PLD1: variants seen among roughly 807,000 people sequenced by gnomAD.
PLD1 encodes the protein phospholipase D1.
In PLD1, 112 loss-of-function variants were observed where a neutral mutation model predicts 137.1. The observed-to-expected ratio is 0.82, with a 90% confidence interval of 0.70 to 0.96. The LOEUF is 0.96. PLD1 is among the 40% of genes least tolerant of loss of function. The pLI, the probability that PLD1 is intolerant of heterozygous loss-of-function variation, is 0.00. For synonymous variants in PLD1, 431 were observed against 454.7 expected (o/e 0.95, Z 0.66); for missense variants, 1,321 against 1,342.0 (o/e 0.98, Z 0.24).
chr3:171,652,273 C>A (rs940907636), intron 21 of PLD1, among the ~76,000 whole-genome samples: 7 of 151,982 alleles, frequency 4.6e-5, no homozygotes, highest in Non-Finnish European at 7.4e-5. Flanking sequence ...AATAGCCAGG[C>A]GTGGTGGCAG....
chr3:171,673,443 A>T (rs1376741705), intron 19 of PLD1, among the ~76,000 whole-genome samples: 1 of 151,956 alleles, frequency 6.6e-6, no homozygotes, highest in Non-Finnish European at 1.5e-5. Flanking sequence ...TACCACGCCC[A>T]GCTAATTTCT....
Position 171,612,576 on chromosome 3 carries a change from G to T in PLD1, c.2729-144C>A. ...GAAGATGTGTTTTTAGGGAGGTGGG[G>T]CCCTCCCTAACCCAGGGGTGAATCT... On this transcript the variant is annotated intron_variant, in intron 24 of 26. Coordinates refer to ENST00000351298, the MANE Select transcript of PLD1 (RefSeq NM_002662.5). The surrounding 1 kb of genome is among the most constrained non-coding windows in gnomAD (Gnocchi z 4.1). 1 of 703,170 alleles carries T rather than the reference G, an allele frequency of 1.4e-6. No individual in the cohort carries two copies. 43.6% of individuals were successfully genotyped at this position (703,170 alleles called of 1,614,324 possible).
intron 24 of PLD1, among the ~76,000 whole-genome samples, chr3:171,614,149 TGTGA>T (rs1488322133): frequency 1.3e-5 from 2 of 152,306 alleles, no homozygotes; most frequent in East Asian, 1.9e-4. Context: ...TGACTATGGA[TGTGA>T]GTGTTTCCCC....
At chr3:171,625,560 C>T (rs1002201977) in intron 23 of PLD1, among the ~76,000 whole-genome samples, 5 of 152,218 alleles carry the variant, frequency 3.3e-5, no homozygotes, top group African/African-American at 9.6e-5. Flanking sequence ...CAAGTGGGTC[C>T]CTGACCCCTG....
chr3:171,628,378 C>T (rs1474705859), intron 23 of PLD1, among the ~76,000 whole-genome samples: 1 of 152,040 alleles, frequency 6.6e-6, no homozygotes, highest in Non-Finnish European at 1.5e-5. Flanking sequence ...AATAGTTTAC[C>T]AACCAAAAAG....
intron 23 of PLD1, among the ~76,000 whole-genome samples, chr3:171,637,541 T>C (rs867379978): frequency 1.3e-5 from 2 of 152,162 alleles, no homozygotes; most frequent in African/African-American, 4.8e-5. Flanking sequence ...TCCTTTTCTT[T>C]TCTTATAATG....
chr3:171,773,338 A>C (rs1722467851), intron 1 of PLD1, among the ~76,000 whole-genome samples: 1 of 152,198 alleles, frequency 6.6e-6, no homozygotes, highest in African/African-American at 2.4e-5. Context: ...TCATGCCTGT[A>C]AGCCCAGCAC....
At chr3:171,691,434 C>G (rs1715143441) in intron 13 of PLD1, among the ~76,000 whole-genome samples, 2 of 151,966 alleles carry the variant, frequency 1.3e-5, no homozygotes, top group African/African-American at 4.8e-5. Context: ...TTTGTAGTGA[C>G]ATGTTTAAAT....
In PLD1 at chr3:171,674,939, A is replaced by T. The variant is rs1035122027; in HGVS notation, c.2116-326T>A. On this transcript the variant is annotated intron_variant, in intron 18 of 26. Transcript: ENST00000351298. The stretch of plus-strand genomic sequence containing the variant: ...GGTTGCAGTGAGTCGAGATTTCATC[A>T]TTGCACTACAGCCTGGGTGACAAGA... 3.7e-5 allele frequency among the ~76,000 whole-genome samples: 5 copies of T among 134,156 alleles called. No homozygotes were observed. The Admixed American group carries it at 4.3e-4, about 11-fold the overall frequency. 88.0% of individuals were successfully genotyped at this position (134,156 alleles called of 152,430 possible).
chr3:171,641,960 A>G (rs887740815), intron 23 of PLD1, among the ~76,000 whole-genome samples: 2 of 152,192 alleles, frequency 1.3e-5, no homozygotes, highest in South Asian at 4.1e-4. Context: ...AACTTGAACT[A>G]GAAGTCATAC....
At chr3:171,674,797 G>A (rs1468001836) in intron 18 of PLD1, among the ~76,000 whole-genome samples, 184 bp from the exon 19 acceptor site, 2 of 151,828 alleles carry the variant, frequency 1.3e-5, no homozygotes, top group African/African-American at 2.4e-5. Flanking sequence ...GGCCAACACG[G>A]TGAAACCCCC....
intron 25 of PLD1, among the ~76,000 whole-genome samples, chr3:171,606,508 C>G (rs74910184): frequency 2.5e-4 from 38 of 152,042 alleles, no homozygotes; most frequent in South Asian, 8.3e-4. Flanking sequence ...AGAAGAGGAC[C>G]GGGTGTATAT....
At chr3:171,665,614 C>T (rs142526800) in intron 19 of PLD1, among the ~76,000 whole-genome samples, 1 of 151,838 alleles carries the variant, frequency 6.6e-6, no homozygotes, top group African/African-American at 2.4e-5. Context: ...GATGGCGAAT[C>T]GCTTGAACCC....
At chr3:171,660,755 G>A (rs1409789994) in intron 20 of PLD1, among the ~76,000 whole-genome samples, 4 of 151,886 alleles carry the variant, frequency 2.6e-5, no homozygotes, top group South Asian at 2.1e-4. Context: ...ACAGGTGCCC[G>A]CCACCATGCC....
chr3:171,808,542 T>A (rs1014828699), intron 1 of PLD1, among the ~76,000 whole-genome samples: 2 of 150,492 alleles, frequency 1.3e-5, no homozygotes, highest in African/African-American at 2.5e-5. Flanking sequence ...TCTCAAAAAA[T>A]AATAATAATA....
Position 171,737,949 on chromosome 3 carries a change from A to G in PLD1, c.103T>C (p.Phe35Leu), listed in dbSNP as rs149184731. Reference sequence around the variant, plus strand: ...TCGTAGTCTACCTCCTCTCCCTCAAAGTGGAGTTCCCGCGTGTCCAGATTT... The same window carrying G: ...TCGTAGTCTACCTCCTCTCCCTCAAGGTGGAGTTCCCGCGTGTCCAGATTT... The part of the protein sequence containing the change: ...IENLDTRELH[F>L]EGEEVDYDVS... The change falls in exon 2 of 27, where the codon TTT (phenylalanine) becomes CTT (leucine). Residue 35 changes from phenylalanine (F) to leucine (L), a missense_variant. Coordinates refer to ENST00000351298, the MANE Select transcript of PLD1 (RefSeq NM_002662.5). The G allele has an allele frequency of 2.3e-4, 374 of 1,613,980 alleles. 2 individuals are homozygous for G. The African/African-American group carries it at 4.3e-3, about 19-fold the overall frequency.
intron 23 of PLD1, among the ~76,000 whole-genome samples, chr3:171,633,057 A>T (rs1734807777): frequency 6.6e-6 from 1 of 152,226 alleles, no homozygotes; most frequent in South Asian, 2.1e-4. Flanking sequence ...AATGGTTCCT[A>T]GCCAGAAAGT....
At chr3:171,724,638 T>C (rs964512056) in intron 8 of PLD1, 58 bp downstream of exon 8, 24 of 955,492 alleles carry the variant, frequency 2.5e-5, no homozygotes, top group Non-Finnish European at 3.8e-5. Flanking sequence ...TATGTAAAAC[T>C]AGCCCAAATA....
intron 8 of PLD1, 132 bp from the exon 9 acceptor site, chr3:171,714,177 T>G: frequency 3.5e-6 from 2 of 568,624 alleles, no homozygotes; most frequent in East Asian, 2.9e-5. Flanking sequence ...ACACAGGAGA[T>G]TTATTTTTTT....
Sources: allele counts gnomAD v4.1 joint callset (sites outside exome capture counted in the v4.1 genomes callset), GRCh38; gene constraint gnomAD v4.1.1; non-coding constraint Gnocchi (gnomAD v3.1); transcripts MANE v1.5; gene names NCBI Gene and HGNC (gene_info 2026-07-23, HGNC 2026-07-21).